DOCK10: variants seen among roughly 807,000 people sequenced by gnomAD.
DOCK10 encodes dedicator of cytokinesis 10, also known as dedicator of cytokinesis protein 10.
A neutral mutation model predicts 280.1 loss-of-function variants in DOCK10; 145 were observed. That is an observed-to-expected ratio of 0.52 (90% CI 0.45 to 0.59). DOCK10 has a LOEUF of 0.59. Ranked by LOEUF, DOCK10 falls within the 20% of genes least tolerant of loss-of-function variation. The pLI, the probability that DOCK10 is intolerant of heterozygous loss-of-function variation, is 0.00. For missense variants in DOCK10, 2,368 were observed against 2,651.7 expected (o/e 0.89, Z 2.35); for synonymous variants, 915 against 942.2 (o/e 0.97, Z 0.53).
intron 5 of DOCK10, 40 bp downstream of exon 5, chr2:224,886,419 C>T: frequency 6.4e-7 from 1 of 1,568,498 alleles, no homozygotes; most frequent in Non-Finnish European, 8.8e-7. Flanking sequence ...AACTAATTAT[C>T]CTCATGTTTT....
intron 1 of DOCK10, among the ~76,000 whole-genome samples, chr2:224,935,317 T>C (rs1410576602): frequency 6.6e-6 from 1 of 152,222 alleles, no homozygotes; most frequent in African/African-American, 2.4e-5. Flanking sequence ...AAAATAAGCA[T>C]TTGAAGTATG....
chr2:224,895,376 T>G (rs1157376173), intron 4 of DOCK10, among the ~76,000 whole-genome samples: 1 of 152,234 alleles, frequency 6.6e-6, no homozygotes, highest in South Asian at 2.1e-4. Context: ...CAAACTTAAC[T>G]TTTGATTGTT....
At chr2:224,858,797 C>T (rs1697316405) in intron 14 of DOCK10, among the ~76,000 whole-genome samples, 1 of 152,158 alleles carries the variant, frequency 6.6e-6, no homozygotes, top group Non-Finnish European at 1.5e-5. Flanking sequence ...GATCTCAGCA[C>T]CATGATCTTT....
At chr2:224,906,755 A>G (rs1335056689) in intron 3 of DOCK10, among the ~76,000 whole-genome samples, 1 of 152,234 alleles carries the variant, frequency 6.6e-6, no homozygotes, top group East Asian at 1.9e-4. Context: ...CTGGGATTAC[A>G]GGCGTCAGTC....
chr2:224,813,664 A>G (rs1163573321), intron 31 of DOCK10, among the ~76,000 whole-genome samples: 1 of 152,232 alleles, frequency 6.6e-6, no homozygotes, highest in Non-Finnish European at 1.5e-5. Context: ...CTATTAGAAT[A>G]TTCCAGCTCA....
intron 1 of DOCK10, among the ~76,000 whole-genome samples, chr2:225,002,478 G>C (rs757118523): frequency 6.6e-6 from 1 of 152,164 alleles, no homozygotes; most frequent in South Asian, 2.1e-4. Flanking sequence ...CCACCTCTTA[G>C]GGTCCTTTAT....
At chr2:224,875,071 G>T (rs1698536715) in intron 8 of DOCK10, among the ~76,000 whole-genome samples, 2 of 152,172 alleles carry the variant, frequency 1.3e-5, no homozygotes, top group South Asian at 4.1e-4. Context: ...TCTTAAATAT[G>T]TATGTATTTT....
rs185507930 is a variant in DOCK10, at chr2:224,957,291, C to G, written c.124-25623G>C. Among the ~76,000 whole-genome samples, 87 of 146,188 alleles carry G rather than the reference C, an allele frequency of 6.0e-4. 1 individual carries two copies. Among genetic ancestry groups the G allele is most frequent in the Non-Finnish European group, 6.0e-4 (40 of 66,658 alleles). On this transcript the variant is annotated intron_variant, in intron 1 of 55. Coordinates refer to ENST00000258390, the MANE Select transcript of DOCK10 (RefSeq NM_014689.3). ...TATTTAGTTTTTACTTTCCGCCCCC[C>G]CCCGGCTTTGTTTTTCGGAGATGGG...
chr2:224,990,551 A>T (rs1255231437), intron 1 of DOCK10, among the ~76,000 whole-genome samples: 1 of 152,184 alleles, frequency 6.6e-6, no homozygotes, highest in Non-Finnish European at 1.5e-5. Context: ...GGACTTTTAA[A>T]CACTGCTTGT....
intron 1 of DOCK10, among the ~76,000 whole-genome samples, chr2:224,957,517 G>A (rs1365054118): frequency 6.6e-6 from 1 of 152,004 alleles, no homozygotes; most frequent in Non-Finnish European, 1.5e-5. Flanking sequence ...TAGAACTCCT[G>A]GTTTCAAGAG....
intron 50 of DOCK10, among the ~76,000 whole-genome samples, chr2:224,779,417 T>C (rs2125025377): frequency 6.6e-6 from 1 of 152,180 alleles, no homozygotes; most frequent in South Asian, 2.1e-4. Context: ...AGTTTCGCCA[T>C]GTTGGCCAGG....
intron 50 of DOCK10, among the ~76,000 whole-genome samples, chr2:224,784,077 T>G (rs1382910721): frequency 6.6e-6 from 1 of 152,150 alleles, no homozygotes; most frequent in Non-Finnish European, 1.5e-5. Flanking sequence ...GCAGGTTATT[T>G]TGGACATGGC....
At chr2:224,983,734 CTTCTTT>C in intron 1 of DOCK10, 1 of 470,672 alleles carries the variant, frequency 2.1e-6, no homozygotes, top group Non-Finnish European at 4.4e-6. Flanking sequence ...GTAAAACATG[CTTCTTT>C]TTCTTTTAAG....
intron 1 of DOCK10, among the ~76,000 whole-genome samples, chr2:225,022,900 T>C (rs1689820092): frequency 1.3e-5 from 2 of 152,230 alleles, no homozygotes; most frequent in South Asian, 2.1e-4. Flanking sequence ...TATGGGACAT[T>C]TATGTAGTAA....
intron 7 of DOCK10, among the ~76,000 whole-genome samples, chr2:224,876,674 A>T (rs78258508): frequency 0.013 from 1,965 of 152,140 alleles, 50 homozygotes; most frequent in African/African-American, 0.045. Context: ...CTTTCTTCGT[A>T]TCTTCCTTGT....
intron 2 of DOCK10, among the ~76,000 whole-genome samples, 164 bp downstream of exon 2, chr2:224,931,385 G>T (rs2126021850): frequency 6.6e-6 from 1 of 152,284 alleles, no homozygotes; most frequent in South Asian, 2.1e-4. Flanking sequence ...CAACTTGAGG[G>T]GGCCCTGGGG....
At chr2:224,962,435 G>A (rs1400381341) in intron 1 of DOCK10, among the ~76,000 whole-genome samples, 1 of 152,160 alleles carries the variant, frequency 6.6e-6, no homozygotes, top group Admixed American at 6.5e-5. Context: ...TGGAACATGA[G>A]AGTCCACTCT....
At chr2:224,820,066 A>C (rs764675039) in intron 28 of DOCK10, among the ~76,000 whole-genome samples, 7 of 152,156 alleles carry the variant, frequency 4.6e-5, no homozygotes, top group Non-Finnish European at 7.3e-5. Flanking sequence ...CATAATGAGG[A>C]GTGGTAGAGA....
At chr2:225,032,949 T>C (rs1690122475) in intron 1 of DOCK10, among the ~76,000 whole-genome samples, 1 of 152,222 alleles carries the variant, frequency 6.6e-6, no homozygotes, top group Non-Finnish European at 1.5e-5. Flanking sequence ...GATAATTATA[T>C]GAAGAAAAAT....
Sources: gnomAD v4.1 joint callset for allele counts (sites outside exome capture counted in the v4.1 genomes callset) on GRCh38, gnomAD v4.1.1 for gene constraint, MANE v1.5 for transcripts, NCBI Gene and HGNC (gene_info 2026-07-23, HGNC 2026-07-21) for gene names.